Variants in PCDH19 observed in about 807,000 individuals in gnomAD.
The protein encoded by PCDH19 is protocadherin-19.
In PCDH19, 6 loss-of-function variants were observed where a neutral mutation model predicts 46.2. The observed-to-expected ratio is 0.13, with a 90% CI of 0.07 to 0.26. The LOEUF (loss-of-function observed/expected upper bound fraction) is 0.26. Ranked by LOEUF, PCDH19 falls within the 10% of genes least tolerant of loss-of-function variation. PCDH19 has a pLI of 1.00. For missense variants in PCDH19, 740 were observed against 972.3 expected, an observed-to-expected ratio of 0.76 and a Z score of 3.18; for synonymous variants, 481 against 415.7, an observed-to-expected ratio of 1.16 and a Z score of -1.91.
At chrX:100,376,235 CAAAAAAA>C (rs1171817638) in intron 3 of PCDH19, among the ~76,000 whole-genome samples, 6 of 32,908 alleles carry the variant, frequency 1.8e-4, no homozygotes, top group Non-Finnish European at 2.8e-4. Flanking sequence ...AACTCCGTCT[CAAAAAAA>C]AAAAAAAAAA....
chrX:100,391,089 T>A (rs890698717), intron 3 of PCDH19, among the ~76,000 whole-genome samples: 1 of 112,024 alleles, frequency 8.9e-6, no homozygotes, highest in East Asian at 2.8e-4. Context: ...CTTATTTCCA[T>A]AATGTTGGCC....
rs1386388009 is a variant in PCDH19 at position 100,322,863 on chromosome X, ATATT to A, written c.2848+19036_2848+19039del. Among the ~76,000 whole-genome samples the A allele has an allele frequency of 1.3e-3, 54 of 40,114 alleles. 2 individuals are homozygous for A. Among genetic ancestry groups the A allele is most frequent in the South Asian group, 4.2e-3 (5 of 1,186 alleles). The allele number at this position is 40,114 out of a possible 115,157, so 34.8% of individuals were successfully genotyped here. On this transcript the variant is annotated intron_variant, in intron 5 of 5. Transcript: ENST00000373034. ...TATATATATATATATATATATATAT[ATATT>A]TTTGCAGCTATTGTAAAAGGGGTTG...
chrX:100,320,683 A>G (rs181966657), intron 5 of PCDH19, among the ~76,000 whole-genome samples: 1 of 111,425 alleles, frequency 9.0e-6, no homozygotes, highest in Non-Finnish European at 1.9e-5. Context: ...AAAACATCCT[A>G]TCTAAAACAG....
At chrX:100,339,585 CT>C (rs1244121264) in intron 5 of PCDH19, among the ~76,000 whole-genome samples, 1 of 112,217 alleles carries the variant, frequency 8.9e-6, no homozygotes. Context: ...AATTGTTGCT[CT>C]TTTTTGAGGT....
At chrX:100,316,833 C>G (rs1454844081) in intron 5 of PCDH19, among the ~76,000 whole-genome samples, 1 of 111,858 alleles carries the variant, frequency 8.9e-6, no homozygotes, top group Non-Finnish European at 1.9e-5. Context: ...ACAATCAATA[C>G]AATATTTCTC....
chrX:100,402,912 T>G (rs1928236068), intron 2 of PCDH19, 61 bp from the exon 3 acceptor site: 2 of 931,761 alleles, frequency 2.1e-6, no homozygotes, highest in Admixed American at 4.5e-5. Context: ...CACTGATTAA[T>G]AAACATTAAG....
intron 5 of PCDH19, among the ~76,000 whole-genome samples, chrX:100,310,066 A>C (rs1237936193): frequency 8.9e-6 from 1 of 112,448 alleles, no homozygotes; most frequent in Non-Finnish European, 1.9e-5. Context: ...TAGATTAAAA[A>C]GATGCCCCTT....
intron 5 of PCDH19, among the ~76,000 whole-genome samples, chrX:100,303,969 T>C (rs1003002819): frequency 8.9e-6 from 1 of 112,168 alleles, no homozygotes; most frequent in Non-Finnish European, 1.9e-5. Context: ...CCTTGCAGCA[T>C]GGAGAAAAAT....
chrX:100,380,970 A>AT (rs1035167663), intron 3 of PCDH19, among the ~76,000 whole-genome samples: 1 of 112,498 alleles, frequency 8.9e-6, no homozygotes, highest in Admixed American at 9.4e-5. Context: ...ATTTGGTCTA[A>AT]TAGTCACATG....
chrX:100,390,320 C>T (rs1350858514), intron 3 of PCDH19, among the ~76,000 whole-genome samples: 6 of 111,972 alleles, frequency 5.4e-5, no homozygotes, highest in Non-Finnish European at 1.1e-4. Flanking sequence ...GGAGGCAAAT[C>T]ATCATAGAGG....
chrX:100,334,259 A>G (rs745392273), intron 5 of PCDH19, among the ~76,000 whole-genome samples: 1 of 111,894 alleles, frequency 8.9e-6, no homozygotes, highest in Non-Finnish European at 1.9e-5. Context: ...TGTATTGTAT[A>G]TTTCAAGATA....
intron 3 of PCDH19, among the ~76,000 whole-genome samples, chrX:100,383,454 C>A (rs2082508072): frequency 8.9e-6 from 1 of 112,038 alleles, no homozygotes; most frequent in Admixed American, 9.5e-5. Flanking sequence ...TGTACTCTGC[C>A]AGCTTTGCCT....
rs1214353738 is a variant in PCDH19 at position 100,408,274 on chromosome X, G to A, written c.324C>T (p.Ser108=). The change falls in exon 1 of 6, where the codon AGC becomes AGT. Residue 108 remains serine (S), a synonymous_variant. Transcript: ENST00000373034. ...CCTTTATCACGCAGATTTCCATTGA[G>A]CTGGACATGACCTCGAGCGAGATGA... ...KCIISLEVMS[S]SMEICVIKVE... The A allele has an allele frequency of 8.3e-7, 1 of 1,211,805 alleles. No individual in the cohort carries two copies. The highest frequency in any genetic ancestry group is 3.0e-5 in the East Asian group (1 of 33,835).
At chrX:100,350,408 C>T (rs1486499945) in intron 4 of PCDH19, among the ~76,000 whole-genome samples, 1 of 111,487 alleles carries the variant, frequency 9.0e-6, no homozygotes, top group Non-Finnish European at 1.9e-5. Context: ...TTTATACGTA[C>T]ATTTTCATAC....
intron 4 of PCDH19, among the ~76,000 whole-genome samples, chrX:100,345,410 T>C (rs1365401541): frequency 3.6e-5 from 4 of 111,668 alleles, no homozygotes; most frequent in Admixed American, 2.9e-4. Flanking sequence ...ATGGCCATCC[T>C]TCCTTTAATG....
chrX:100,299,620 T>A (rs1924716047), intron 5 of PCDH19, among the ~76,000 whole-genome samples: 1 of 111,241 alleles, frequency 9.0e-6, no homozygotes, highest in East Asian at 2.8e-4. Flanking sequence ...GAATTCAATC[T>A]TCTCTGAGGT....
intron 3 of PCDH19, among the ~76,000 whole-genome samples, chrX:100,354,878 T>A (rs1205994226): frequency 9.0e-6 from 1 of 110,850 alleles, no homozygotes; most frequent in East Asian, 2.8e-4. Flanking sequence ...GACAGCCAGG[T>A]TAACACAAGA....
intron 3 of PCDH19, among the ~76,000 whole-genome samples, chrX:100,382,838 C>CA (rs1238895746): frequency 1.8e-5 from 2 of 112,016 alleles, no homozygotes; most frequent in African/African-American, 6.5e-5. Context: ...GACCTCCTCC[C>CA]ACTTCACATT....
At chrX:100,384,039 A>T (rs1383509510) in intron 3 of PCDH19, among the ~76,000 whole-genome samples, 1 of 112,011 alleles carries the variant, frequency 8.9e-6, no homozygotes, top group Non-Finnish European at 1.9e-5. Context: ...TTTTTACATC[A>T]TACTTCCAAC....
Sources: gnomAD v4.1 joint callset for allele counts (sites outside exome capture counted in the v4.1 genomes callset) on GRCh38, gnomAD v4.1.1 for gene constraint, MANE v1.5 for transcripts, NCBI Gene and HGNC (gene_info 2026-07-23, HGNC 2026-07-21) for gene names.